C12orf42: variants seen among roughly 807,000 people sequenced by gnomAD.
The protein encoded by C12orf42 is uncharacterized protein C12orf42.
A neutral mutation model predicts 21.6 loss-of-function variants in C12orf42; 25 were observed. That is an observed-to-expected ratio of 1.16 (90% CI 0.84 to 1.62). The LOEUF is 1.62. C12orf42 is among the 40% of genes most tolerant of loss of function. The pLI, the probability that C12orf42 is intolerant of heterozygous loss-of-function variation, is 0.00. For missense variants in C12orf42, 483 were observed against 459.3 expected, an observed-to-expected ratio of 1.05 and a Z score of -0.47; for synonymous variants, 174 against 175.0, an observed-to-expected ratio of 0.99 and a Z score of 0.05.
chr12:103,119,541 G>C, the C12orf42 span, among the ~76,000 whole-genome samples: 1 of 152,146 alleles, frequency 6.6e-6, no homozygotes. Context: ...AGCGATAAGG[G>C]CTCCTGATCT....
At position 103,348,206 on chromosome 12, in the gene C12orf42, T is replaced by C. The variant is rs571734295; in HGVS notation, c.259+20681A>G. ...ATAAGAAAGAGATAAGAATGACAGT[T>C]GTACAGTCTATCCCAGAACCTAGAG... On this transcript the variant is annotated intron_variant, in intron 4 of 5. Transcript: ENST00000548883. Among the ~76,000 whole-genome samples the C allele has an allele frequency of 4.1e-4, 63 of 152,242 alleles. 1 individual carries two copies. Among genetic ancestry groups the C allele is most frequent in the South Asian group, 1.2e-3 (6 of 4,826 alleles).
At chr12:103,128,369 C>A in the C12orf42 span, among the ~76,000 whole-genome samples, 1 of 152,220 alleles carries the variant, frequency 6.6e-6, no homozygotes, top group African/African-American at 2.4e-5. Context: ...GCCCACAGAA[C>A]CGGCACCATT....
intron 2 of C12orf42, among the ~76,000 whole-genome samples, chr12:103,470,822 G>A (rs1370419365): frequency 1.3e-5 from 2 of 152,116 alleles, no homozygotes; most frequent in Non-Finnish European, 2.9e-5. Flanking sequence ...CCAGCTGAAT[G>A]CAGCCTTTGA....
chr12:103,053,829 C>G, the C12orf42 span, among the ~76,000 whole-genome samples: 1 of 151,878 alleles, frequency 6.6e-6, no homozygotes, highest in Non-Finnish European at 1.5e-5. Context: ...TCCACTTGCT[C>G]TAGTACCTTT....
At chr12:103,103,673 T>C in the C12orf42 span, among the ~76,000 whole-genome samples, 1 of 152,166 alleles carries the variant, frequency 6.6e-6, no homozygotes. Flanking sequence ...GTAAGCACAC[T>C]GCATACAAAC....
chr12:103,505,025 G>C, the C12orf42 span: 4 of 245,926 alleles, frequency 1.6e-5, no homozygotes, highest in Non-Finnish European at 3.6e-5. Flanking sequence ...CTGAGCTTAG[G>C]AAGGAAGCTA....
intron 4 of C12orf42, among the ~76,000 whole-genome samples, chr12:103,282,693 G>GA (rs1350810438): frequency 6.6e-6 from 1 of 152,126 alleles, no homozygotes; most frequent in Non-Finnish European, 1.5e-5. Flanking sequence ...TTGTACAATG[G>GA]AAAAAAGCGA....
intron 4 of C12orf42, among the ~76,000 whole-genome samples, chr12:103,282,177 G>C (rs150918592): frequency 1.3e-5 from 2 of 152,248 alleles, no homozygotes; most frequent in East Asian, 3.9e-4. Context: ...AGTTAAATTG[G>C]TGCCTGCATT....
intron 1 of C12orf42, among the ~76,000 whole-genome samples, chr12:103,479,717 A>G (rs555866308): frequency 5.3e-5 from 8 of 152,174 alleles, no homozygotes; most frequent in African/African-American, 1.7e-4. Context: ...TTTCCTTTCA[A>G]TGATGCTGAA....
At chr12:103,294,222 C>T (rs545176066) in intron 4 of C12orf42, among the ~76,000 whole-genome samples, 2 of 151,934 alleles carry the variant, frequency 1.3e-5, no homozygotes, top group South Asian at 4.2e-4. Context: ...ATGGTAAGGA[C>T]CCAATTAATG....
the C12orf42 span, among the ~76,000 whole-genome samples, chr12:103,522,138 TG>T: frequency 6.6e-6 from 1 of 152,172 alleles, no homozygotes; most frequent in South Asian, 2.1e-4. Context: ...AATTGAATCA[TG>T]GGGGCTGTTT....
chr12:103,350,281 G>A (rs539034193), intron 4 of C12orf42, among the ~76,000 whole-genome samples: 12 of 152,100 alleles, frequency 7.9e-5, no homozygotes, highest in East Asian at 3.9e-4. Flanking sequence ...ATGAAATCTC[G>A]TGCCATCTTG....
At chr12:103,420,099 T>C (rs1255660288) in intron 2 of C12orf42, among the ~76,000 whole-genome samples, 1 of 152,200 alleles carries the variant, frequency 6.6e-6, no homozygotes, top group Admixed American at 6.5e-5. Context: ...AGGGGAAAAG[T>C]TGTATTGTCC....
At chr12:103,470,863 G>A (rs560636302) in intron 2 of C12orf42, among the ~76,000 whole-genome samples, 1 of 152,236 alleles carries the variant, frequency 6.6e-6, no homozygotes. Flanking sequence ...AAACATGTGA[G>A]AGAAGAAGCT....
intron 2 of C12orf42, among the ~76,000 whole-genome samples, chr12:103,434,447 G>A (rs1950505519): frequency 6.6e-6 from 1 of 152,190 alleles, no homozygotes; most frequent in Admixed American, 6.5e-5. Flanking sequence ...CCAGCGTGAG[G>A]GACGCAGAGG....
chr12:103,453,325 C>A (rs574248023), intron 2 of C12orf42, among the ~76,000 whole-genome samples: 31 of 151,634 alleles, frequency 2.0e-4, no homozygotes, highest in African/African-American at 6.8e-4. Flanking sequence ...TTCATTCTAC[C>A]AGTTTTCAAA....
chr12:103,064,364 T>C, the C12orf42 span, among the ~76,000 whole-genome samples: 3 of 152,208 alleles, frequency 2.0e-5, no homozygotes, highest in Non-Finnish European at 4.4e-5. Context: ...TGGTTGTAGC[T>C]ACTGTAATGG....
At chr12:103,095,239 C>T in the C12orf42 span, among the ~76,000 whole-genome samples, 2 of 152,152 alleles carry the variant, frequency 1.3e-5, no homozygotes, top group Admixed American at 1.3e-4. Context: ...CATTGGAAAC[C>T]TCTAGTAGCC....
the C12orf42 span, among the ~76,000 whole-genome samples, chr12:103,120,175 C>G: frequency 6.6e-6 from 1 of 152,308 alleles, no homozygotes; most frequent in Middle Eastern, 3.4e-3. Context: ...GACAAGGTCC[C>G]TGTTGAGAAG....
Sources: allele counts gnomAD v4.1 joint callset (sites outside exome capture counted in the v4.1 genomes callset), GRCh38; gene constraint gnomAD v4.1.1; transcripts MANE v1.5; gene names NCBI Gene and HGNC (gene_info 2026-07-23, HGNC 2026-07-21).